The following LRRC8C variants were observed in gnomAD, a reference collection of about 807,000 sequenced individuals.
LRRC8C encodes the protein leucine rich repeat containing 8 VRAC subunit C.
LRRC8C carries 20 observed loss-of-function variants against 55.3 expected under a neutral mutation model. That is an observed-to-expected ratio of 0.36 (90% CI 0.25 to 0.53). LRRC8C has a LOEUF of 0.53. Among genes scored for constraint, LRRC8C ranks in the 20% least tolerant of loss-of-function variants. The probability of loss-of-function intolerance (pLI) is 0.92; values close to 1 mark genes in which losing one functional copy is unlikely to be tolerated. For missense variants in LRRC8C, 659 were observed against 951.4 expected, an observed-to-expected ratio of 0.69 and a Z score of 4.04; for synonymous variants, 376 against 360.7, an observed-to-expected ratio of 1.04 and a Z score of -0.48.
At chr1:89,674,021 AC>A (rs969414655) in intron 1 of LRRC8C, among the ~76,000 whole-genome samples, 1 of 152,218 alleles carries the variant, frequency 6.6e-6, no homozygotes, top group African/African-American at 2.4e-5. Context: ...GGCCCCTGCC[AC>A]TATTATTTAT....
rs1465074543 is a variant in LRRC8C at position 89,717,835 on chromosome 1, AT to A, written c.*2854del. On this transcript the variant is annotated 3_prime_UTR_variant, in exon 3 of 3. Coordinates refer to ENST00000370454, the MANE Select transcript of LRRC8C (RefSeq NM_032270.5). ...CTCTTTCTAAAAAGGAATAACTATTATAGCTCTATTTCCCCAATCTCTATAG... is the reference window on the plus strand; with the variant it reads ...CTCTTTCTAAAAAGGAATAACTATTAAGCTCTATTTCCCCAATCTCTATAG... 15 of 152,200 alleles carry A rather than the reference AT, an allele frequency of 9.9e-5. No individual in the cohort carries two copies. Among genetic ancestry groups the A allele is most frequent in the African/African-American group, 3.6e-4 (15 of 41,472 alleles). The allele number at this position is 152,200 out of a possible 1,614,324, so 9.4% of individuals were successfully genotyped here. A position where few individuals can be genotyped will look rare whatever the true frequency, so the allele number is the denominator to read the frequency against.
At chr1:89,640,217 G>A (rs764230038) in intron 1 of LRRC8C, among the ~76,000 whole-genome samples, 4 of 152,044 alleles carry the variant, frequency 2.6e-5, no homozygotes, top group African/African-American at 4.8e-5. Context: ...GGCGCCTGCC[G>A]CCGCACCCAG....
chr1:89,664,851 T>C (rs1347858954), intron 1 of LRRC8C, among the ~76,000 whole-genome samples: 1 of 152,218 alleles, frequency 6.6e-6, no homozygotes, highest in Non-Finnish European at 1.5e-5. Flanking sequence ...CTTGAAGAGA[T>C]CCTTCACATC....
intron 2 of LRRC8C, among the ~76,000 whole-genome samples, chr1:89,692,792 A>G (rs547593578): frequency 7.9e-5 from 12 of 152,342 alleles, no homozygotes; most frequent in African/African-American, 2.9e-4. Context: ...ACTTTGTGCT[A>G]TAAACAACAC....
chr1:89,712,414 C>T (rs1658675901), intron 2 of LRRC8C, among the ~76,000 whole-genome samples: 3 of 152,146 alleles, frequency 2.0e-5, no homozygotes, highest in African/African-American at 7.2e-5. Flanking sequence ...CGCCTGGCTG[C>T]TAATTTTTTA....
At chr1:89,672,652 C>T (rs1188019236) in intron 1 of LRRC8C, among the ~76,000 whole-genome samples, 2 of 152,146 alleles carry the variant, frequency 1.3e-5, no homozygotes, top group African/African-American at 2.4e-5. Context: ...GAACTTTCTC[C>T]ACCCCCATTC....
intron 1 of LRRC8C, among the ~76,000 whole-genome samples, chr1:89,667,953 G>C (rs1483094411): frequency 6.6e-6 from 1 of 152,142 alleles, no homozygotes; most frequent in East Asian, 1.9e-4. Flanking sequence ...GTGAGCATTT[G>C]AACCAGTCTT....
At chr1:89,639,888 C>T (rs1316222145) in intron 1 of LRRC8C, among the ~76,000 whole-genome samples, 3 of 152,004 alleles carry the variant, frequency 2.0e-5, no homozygotes, top group African/African-American at 4.8e-5. Context: ...TTAATAGGGA[C>T]ATTAAGAGAC....
intron 1 of LRRC8C, among the ~76,000 whole-genome samples, chr1:89,683,286 A>G (rs1040078612): frequency 6.6e-6 from 1 of 152,172 alleles, no homozygotes. Context: ...TTACAAAATC[A>G]TGCGTTACAA....
chr1:89,644,534 C>T (rs1201798351), intron 1 of LRRC8C, among the ~76,000 whole-genome samples: 1 of 152,148 alleles, frequency 6.6e-6, no homozygotes, highest in African/African-American at 2.4e-5. Flanking sequence ...AAAGAGACTC[C>T]ACTGGATGAG....
intron 1 of LRRC8C, among the ~76,000 whole-genome samples, chr1:89,678,910 G>A (rs1439047565): frequency 6.6e-6 from 1 of 152,130 alleles, no homozygotes; most frequent in Non-Finnish European, 1.5e-5. Flanking sequence ...GACAGGAGTA[G>A]GTTTTGGACA....
At chr1:89,689,866 G>A (rs929029362) in intron 2 of LRRC8C, among the ~76,000 whole-genome samples, 10 of 152,140 alleles carry the variant, frequency 6.6e-5, no homozygotes, top group Middle Eastern at 3.4e-3. Context: ...GCCTGAACCC[G>A]GGAGGCAAAG....
chr1:89,709,313 TTTC>T (rs879614520), intron 2 of LRRC8C, among the ~76,000 whole-genome samples: 2 of 152,228 alleles, frequency 1.3e-5, no homozygotes, highest in African/African-American at 2.4e-5. Context: ...CCTTGGTCAG[TTTC>T]TTCTTCTGTA....
At chr1:89,642,655 C>T (rs1223418425) in intron 1 of LRRC8C, among the ~76,000 whole-genome samples, 1 of 152,176 alleles carries the variant, frequency 6.6e-6, no homozygotes, top group Non-Finnish European at 1.5e-5. Context: ...CAAGACCAGC[C>T]TGCCCAAGAT....
intron 1 of LRRC8C, among the ~76,000 whole-genome samples, chr1:89,636,572 C>T (rs1656288767): frequency 1.3e-5 from 2 of 152,048 alleles, no homozygotes; most frequent in South Asian, 4.1e-4. Flanking sequence ...ATCTCTTAGC[C>T]TTGTATATCA....
rs1393209920 is a variant in LRRC8C, at chr1:89,713,131, CA to C, written c.563del (p.Asn188ThrfsTer6). ...VSGEDSEEKD[N>X]RKNNMNRSNT... Reference sequence around the variant, plus strand: ...CTGGGGAGGACTCAGAAGAAAAGGACAACAGGAAGAACAACATGAACAGGTC... The same window carrying C: ...CTGGGGAGGACTCAGAAGAAAAGGACACAGGAAGAACAACATGAACAGGTC... On this transcript the variant is annotated frameshift_variant, in exon 3 of 3. Transcript: ENST00000370454. LOFTEE classifies it high-confidence loss of function. This position sits in a 1 kb window ranked among gnomAD's most constrained non-coding sequence, Gnocchi z 5.2. 1 of 1,613,868 alleles carries C rather than the reference CA, an allele frequency of 6.2e-7. No homozygotes were observed. The highest frequency in any genetic ancestry group is 1.7e-5 in the Admixed American group (1 of 60,000).
At chr1:89,622,334 A>ATTTTTTTTTT in the LRRC8C span, among the ~76,000 whole-genome samples, 1 of 127,234 alleles carries the variant, frequency 7.9e-6, no homozygotes. Flanking sequence ...ATACATGTAA[A>ATTTTTTTTTT]ATTTTTTTTT....
intron 2 of LRRC8C, among the ~76,000 whole-genome samples, chr1:89,701,576 G>A (rs375613140): frequency 4.6e-5 from 7 of 152,274 alleles, no homozygotes; most frequent in African/African-American, 1.7e-4. Flanking sequence ...TGGAACATGT[G>A]TAAAGAAATT....
chr1:89,630,118 C>T (rs1238624689), upstream of LRRC8C, among the ~76,000 whole-genome samples: 1 of 151,998 alleles, frequency 6.6e-6, no homozygotes, highest in African/African-American at 2.4e-5. Context: ...TTGCAGTCAG[C>T]GAGATCACAC....
Sources: allele counts gnomAD v4.1 joint callset (sites outside exome capture counted in the v4.1 genomes callset), GRCh38; gene constraint gnomAD v4.1.1; non-coding constraint Gnocchi (gnomAD v3.1); transcripts MANE v1.5; gene names NCBI Gene and HGNC (gene_info 2026-07-23, HGNC 2026-07-21).